SF3A1: variants seen among roughly 807,000 people sequenced by gnomAD.
SF3A1 encodes the protein splicing factor 3a subunit 1.
In SF3A1, 13 loss-of-function variants were observed where a neutral mutation model predicts 89.9. The observed-to-expected ratio is 0.14, with a 90% CI of 0.09 to 0.23. The LOEUF is 0.23. Ranked by LOEUF, SF3A1 falls within the 10% of genes least tolerant of loss-of-function variation. The probability of loss-of-function intolerance (pLI) is 1.00; values close to 1 mark genes in which losing one functional copy is unlikely to be tolerated. For missense variants in SF3A1, 604 were observed against 1,022.1 expected (o/e 0.59, Z 5.58); for synonymous variants, 405 against 374.4 (o/e 1.08, Z -0.94).
chr22:30,342,093 T>A (rs1340466685), intron 6 of SF3A1, 107 bp downstream of exon 6: 5 of 1,382,956 alleles, frequency 3.6e-6, no homozygotes, highest in Non-Finnish European at 5.1e-6. Context: ...ACAGCACTGA[T>A]AAAGCCCTCT....
intron 12 of SF3A1, 137 bp downstream of exon 12, chr22:30,337,541 CGGATCTTTCAAT>C: frequency 1.4e-6 from 1 of 699,926 alleles, no homozygotes; most frequent in Non-Finnish European, 2.6e-6. Flanking sequence ...TCTAGGGTTG[CGGATCTTTCAAT>C]GGGAAGCCAG....
chr22:30,355,613 G>A (rs763698336), intron 1 of SF3A1, among the ~76,000 whole-genome samples: 82 of 152,180 alleles, frequency 5.4e-4, no homozygotes, highest in Non-Finnish European at 9.1e-4. Flanking sequence ...AGTAAGAATC[G>A]CATCTCCTGC....
intron 8 of SF3A1, 76 bp downstream of exon 8, chr22:30,340,619 G>A: frequency 1.0e-6 from 1 of 963,032 alleles, no homozygotes; most frequent in Non-Finnish European, 1.6e-6. Flanking sequence ...CTCCTAGAAA[G>A]ACGGGTGTGA....
chr22:30,337,996 G>A lies in SF3A1; in HGVS notation c.1744-99C>T, dbSNP rs898474119. ...GCTGCCTGCAGCTCTGAGGATGGAG[G>A]TTAGACAACTACGTCCTGGCCCCCT... On this transcript the variant is annotated intron_variant, in intron 11 of 15. Transcript: ENST00000215793. The A allele has an allele frequency of 4.8e-6, 4 of 840,736 alleles. No homozygotes were observed. The African/African-American group carries it at 6.7e-5, about 14-fold the overall frequency. 52.1% of individuals were successfully genotyped at this position (840,736 alleles called of 1,614,324 possible).
intron 1 of SF3A1, among the ~76,000 whole-genome samples, chr22:30,353,989 C>T (rs1931681966): frequency 6.6e-6 from 1 of 152,226 alleles, no homozygotes; most frequent in African/African-American, 2.4e-5. Flanking sequence ...GGGAAACTAT[C>T]TGCTGACAAA....
chr22:30,340,801 A>G lies in SF3A1; in HGVS notation c.1083T>C (p.Asp361=). The G allele has an allele frequency of 6.3e-7, 1 of 1,587,070 alleles. No individual in the cohort carries two copies. Among genetic ancestry groups the G allele is most frequent in the Admixed American group, 1.8e-5 (1 of 56,622 alleles). ...QVQDMDEGSD[D]EEEGQKVPPP... ...GGGGCACTTTCTGCCCTTCTTCTTCATCATCTGAACCCTGAAAAGCAAAGC... is the reference window on the plus strand; with the variant it reads ...GGGGCACTTTCTGCCCTTCTTCTTCGTCATCTGAACCCTGAAAAGCAAAGC... The change falls in exon 8 of 16, where the codon GAT becomes GAC. Residue 361 remains aspartate (D), a synonymous_variant. Transcript: ENST00000215793.
chr22:30,351,808 T>A (rs1252845109), intron 2 of SF3A1, among the ~76,000 whole-genome samples: 1 of 152,266 alleles, frequency 6.6e-6, no homozygotes, highest in Non-Finnish European at 1.5e-5. Flanking sequence ...TCCTCATTTT[T>A]AAATAGTAGC....
In SF3A1 at chr22:30,340,768, TG is replaced by T; in HGVS notation, c.1115del (p.Pro372GlnfsTer95). The T allele has an allele frequency of 1.9e-6, 3 of 1,589,384 alleles. No individual in the cohort carries two copies. The highest frequency in any genetic ancestry group is 2.6e-6 in the Non-Finnish European group (3 of 1,167,418). ...GCAGAGGTGGAGGCATGGGTGTCTC[TG>T]GGGGTGGGGGCACTTTCTGCCCTTC... ...EEEGQKVPPP[P>X]ETPMPPPLPP... On this transcript the variant is annotated frameshift_variant, in exon 8 of 16. Coordinates refer to ENST00000215793, the MANE Select transcript of SF3A1 (RefSeq NM_005877.6). LOFTEE classifies it high-confidence loss of function.
At chr22:30,336,243 G>A (rs1364308961) in intron 13 of SF3A1, among the ~76,000 whole-genome samples, 1 of 152,200 alleles carries the variant, frequency 6.6e-6, no homozygotes, top group African/African-American at 2.4e-5. Flanking sequence ...AACAGAGCGG[G>A]TGCAGTGGCT....
chr22:30,342,516 G>T (rs2145809763), intron 5 of SF3A1, 166 bp from the exon 6 acceptor site: 1 of 754,642 alleles, frequency 1.3e-6, no homozygotes, highest in East Asian at 2.7e-5. Context: ...GTGCAGAGTT[G>T]GGACAGAATG....
chr22:30,337,479 C>T (rs1931106370), intron 12 of SF3A1, among the ~76,000 whole-genome samples: 1 of 152,224 alleles, frequency 6.6e-6, no homozygotes, highest in African/African-American at 2.4e-5. Context: ...TGCACAGACA[C>T]TGGCTACACC....
Position 30,338,821 on chromosome 22 carries a change from G to T in SF3A1, c.1711C>A (p.Pro571Thr). 1 of 1,614,100 alleles carries T rather than the reference G, an allele frequency of 6.2e-7. No homozygotes were observed. Among genetic ancestry groups the T allele is most frequent in the Non-Finnish European group, 8.5e-7 (1 of 1,179,960 alleles). Residue 571 changes from proline (P) to threonine (T), a missense_variant, in exon 11 of 16, where the codon CCA becomes ACA. By Grantham distance (38) the Pro-to-Thr change is conservative. This residue lies in a region of SF3A1 where 85 missense variants were observed against 137.3 expected (regional missense o/e 0.62). Coordinates refer to ENST00000215793, the MANE Select transcript of SF3A1 (RefSeq NM_005877.6). ...GGTCGGGGCACTGAAGTGATGGGTG[G>T]AGCCGAGCTGGGGATGTTGGTGGCT... Reference protein sequence around the residue: ...SSATNIPSSAPPITSVPRPPT... With the variant: ...SSATNIPSSATPITSVPRPPT...
rs1426136319 is a variant in SF3A1 at position 30,346,127 on chromosome 22, CGG to C, written c.393+183_393+184del. 76 of 595,330 alleles carry C rather than the reference CGG, an allele frequency of 1.3e-4. No homozygotes were observed. The East Asian group carries it at 1.8e-3, about 14-fold the overall frequency. 36.9% of individuals were successfully genotyped at this position (595,330 alleles called of 1,614,324 possible). ...AGCACAGAGCTTGACAAGCAGTGCT[CGG>C]GAAATGCCAACTAACATCAGTACTT... On this transcript the variant is annotated intron_variant, in intron 3 of 15. Transcript: ENST00000215793.
At chr22:30,336,976 G>A (rs1287246866) in intron 13 of SF3A1, 50 bp downstream of exon 13, 2 of 1,609,148 alleles carry the variant, frequency 1.2e-6, no homozygotes, top group South Asian at 1.1e-5. Flanking sequence ...GACAGGGGCG[G>A]GACTGAACCC....
chr22:30,343,393 G>T (rs948453825), intron 4 of SF3A1, among the ~76,000 whole-genome samples: 2 of 152,188 alleles, frequency 1.3e-5, no homozygotes, highest in Admixed American at 1.3e-4. Context: ...CATGAAGACA[G>T]GGATTTCTCT....
chr22:30,340,462 A>G (rs376423383), intron 8 of SF3A1, 81 bp from the exon 9 acceptor site: 23 of 1,380,658 alleles, frequency 1.7e-5, no homozygotes, highest in Non-Finnish European at 2.2e-5. Flanking sequence ...TGCGTGCATC[A>G]TTCATCAAGG....
chr22:30,346,271 C>A, intron 3 of SF3A1, 41 bp downstream of exon 3: 2 of 1,363,258 alleles, frequency 1.5e-6, no homozygotes, highest in South Asian at 1.2e-5. Context: ...CTGTTTCCCT[C>A]TCAAGCCCTG....
intron 11 of SF3A1, 151 bp from the exon 12 acceptor site, chr22:30,338,048 G>A (rs117748563): frequency 0.017 from 11,908 of 698,696 alleles, 159 homozygotes; most frequent in Non-Finnish European, 0.022. Flanking sequence ...GGCCTACACT[G>A]GGCGTCCAAT....
In SF3A1 at chr22:30,332,586, C is replaced by T. The variant is rs1473990418; in HGVS notation, c.*2008G>A. ...GAAGAATCAGAAAAGCTGTGCAGAGCAGCTTTGTATTATAAACACTAGGAC... is the reference window on the plus strand; with the variant it reads ...GAAGAATCAGAAAAGCTGTGCAGAGTAGCTTTGTATTATAAACACTAGGAC... On this transcript the variant is annotated 3_prime_UTR_variant, in exon 16 of 16. Coordinates refer to ENST00000215793, the MANE Select transcript of SF3A1 (RefSeq NM_005877.6). 1 of 152,232 alleles carries T rather than the reference C, an allele frequency of 6.6e-6. No individual in the cohort carries two copies. The highest frequency in any genetic ancestry group is 1.5e-5 in the Non-Finnish European group (1 of 68,052). 9.4% of individuals were successfully genotyped at this position (152,232 alleles called of 1,614,324 possible). A position where few individuals can be genotyped will look rare whatever the true frequency, so the allele number is the denominator to read the frequency against.
Sources: gnomAD v4.1 joint callset for allele counts (sites outside exome capture counted in the v4.1 genomes callset) on GRCh38, gnomAD v4.1.1 for gene constraint, gnomAD v4.1.1 regional missense constraint, MANE v1.5 for transcripts, NCBI Gene and HGNC (gene_info 2026-07-23, HGNC 2026-07-21) for gene names.